Variants in LRRC61 observed in about 807,000 individuals in gnomAD.
LRRC61 encodes leucine rich repeat containing 61, also known as leucine-rich repeat-containing protein 61.
A neutral mutation model predicts 15.1 loss-of-function variants in LRRC61; 9 were observed. That is an observed-to-expected ratio of 0.60 (90% CI 0.36 to 1.04). The LOEUF (loss-of-function observed/expected upper bound fraction) is 1.04. LRRC61 is among the 50% of genes least tolerant of loss of function. The pLI, the probability that LRRC61 is intolerant of heterozygous loss-of-function variation, is 0.01. For synonymous variants in LRRC61, 173 were observed against 158.6 expected, an observed-to-expected ratio of 1.09 and a Z score of -0.68; for missense variants, 344 against 335.6, an observed-to-expected ratio of 1.03 and a Z score of -0.20.
chr7:150,337,804 C>CCA lies in LRRC61; in HGVS notation c.*166_*167dup. 1 of 747,540 alleles carries CCA rather than the reference C, an allele frequency of 1.3e-6. No homozygotes were observed. The highest frequency in any genetic ancestry group is 3.2e-5 in the Admixed American group (1 of 31,348). The allele number at this position is 747,540 out of a possible 1,614,324, so 46.3% of individuals were successfully genotyped here. ...AGAGCAGCCCCTCCCCACCATCCCT[C>CCA]CACATGCTGCAAGGACAGACTGAAG... On this transcript the variant is annotated 3_prime_UTR_variant, in exon 3 of 3. Transcript: ENST00000359623.
At chr7:150,332,648 T>C (rs1056510316) in intron 2 of LRRC61, 3 of 167,138 alleles carry the variant, frequency 1.8e-5, no homozygotes, top group Non-Finnish European at 2.9e-5. Flanking sequence ...CCCTAGGTAC[T>C]GTTTAGTATG....
At chr7:150,314,500 T>C in the LRRC61 span, among the ~76,000 whole-genome samples, 1 of 152,166 alleles carries the variant, frequency 6.6e-6, no homozygotes, top group Non-Finnish European at 1.5e-5. Flanking sequence ...GAGCTTTGTG[T>C]ATGTCACTAT....
At chr7:150,320,532 G>A (rs896417824), upstream of LRRC61, among the ~76,000 whole-genome samples, 5 of 152,208 alleles carry the variant, frequency 3.3e-5, no homozygotes, top group African/African-American at 1.2e-4. Context: ...GGAGGCTGAG[G>A]TGGGTGGATC....
At position 150,330,401 on chromosome 7, in the gene LRRC61, C is replaced by A. The variant is rs1384073307; in HGVS notation, c.-145+4391C>A. On this transcript the variant is annotated intron_variant, in intron 2 of 2. Coordinates refer to ENST00000359623, the MANE Select transcript of LRRC61 (RefSeq NM_001142928.2). This position sits in a 1 kb window ranked among gnomAD's most constrained non-coding sequence, Gnocchi z 4.6. ...GCCTCAGCAAGCTCCTGTAGCCCTTCCAGATGGTGGTCCGCGAGGCGAGTG... is the reference window on the plus strand; with the variant it reads ...GCCTCAGCAAGCTCCTGTAGCCCTTACAGATGGTGGTCCGCGAGGCGAGTG... The A allele has an allele frequency of 3.9e-5, 30 of 767,928 alleles. No individual in the cohort carries two copies. In the Admixed American group the frequency reaches 5.1e-4, roughly 13 times the overall value. The allele number at this position is 767,928 out of a possible 1,614,324, so 47.6% of individuals were successfully genotyped here.
chr7:150,325,531 A>C (rs1489618580), intron 1 of LRRC61, among the ~76,000 whole-genome samples: 1 of 152,220 alleles, frequency 6.6e-6, no homozygotes, highest in Non-Finnish European at 1.5e-5. Flanking sequence ...GCAGTGGTGC[A>C]ATCACGGCTC....
Position 150,323,467 on chromosome 7 carries a change from A to G in LRRC61, c.-408A>G, listed in dbSNP as rs773864680. 1.4e-4 allele frequency: 54 copies of G among 398,988 alleles called. No homozygotes were observed. The highest frequency in any genetic ancestry group is 1.1e-3 in the African/African-American group (49 of 44,946). 24.7% of individuals were successfully genotyped at this position (398,988 alleles called of 1,614,324 possible). On this transcript the variant is annotated 5_prime_UTR_variant, in exon 1 of 3. Coordinates refer to ENST00000359623, the MANE Select transcript of LRRC61 (RefSeq NM_001142928.2). ...GGCGGGCGGCGGGGCTGCGGCTCTTACCTGCCGAGGAGGCGCCGGCTCTGC... is the reference window on the plus strand; with the variant it reads ...GGCGGGCGGCGGGGCTGCGGCTCTTGCCTGCCGAGGAGGCGCCGGCTCTGC...
At chr7:150,332,920 C>G (rs1798157054) in intron 2 of LRRC61, among the ~76,000 whole-genome samples, 1 of 152,140 alleles carries the variant, frequency 6.6e-6, no homozygotes, top group Non-Finnish European at 1.5e-5. Flanking sequence ...CTTGCTGGAT[C>G]TCTCCCTGCA....
At chr7:150,322,998 G>A (rs1349415243), upstream of LRRC61, 1 of 152,892 alleles carries the variant, frequency 6.5e-6, no homozygotes, top group Non-Finnish European at 1.5e-5. Context: ...GCGTGCAGGG[G>A]GCCTTGGGTG....
In LRRC61 at chr7:150,336,741, C is replaced by A; in HGVS notation, c.-121C>A. 2 of 1,350,154 alleles carry A rather than the reference C, an allele frequency of 1.5e-6. No individual in the cohort carries two copies. Among genetic ancestry groups the A allele is most frequent in the Non-Finnish European group, 2.0e-6 (2 of 996,778 alleles). 83.6% of individuals were successfully genotyped at this position (1,350,154 alleles called of 1,614,324 possible). A position where few individuals can be genotyped will look rare whatever the true frequency, so the allele number is the denominator to read the frequency against. On this transcript the variant is annotated 5_prime_UTR_variant, in exon 3 of 3. Coordinates refer to ENST00000359623, the MANE Select transcript of LRRC61 (RefSeq NM_001142928.2). ...AGGGACTGGCTGGCTTCGAGCAGGG[C>A]ATCGGAACCAGGCCTCCTGGCACTG... is the stretch of plus-strand genomic sequence containing the variant.
chr7:150,317,278 G>A, the LRRC61 span, among the ~76,000 whole-genome samples: 1 of 152,030 alleles, frequency 6.6e-6, no homozygotes, highest in Non-Finnish European at 1.5e-5. Context: ...TCGAACTTAT[G>A]GACTCAAGTG....
chr7:150,333,315 CTT>C lies in LRRC61; in HGVS notation c.-144-3401_-144-3400del, dbSNP rs1798174223. Among the ~76,000 whole-genome samples the C allele has an allele frequency of 6.6e-6, 1 of 152,158 alleles. No individual in the cohort carries two copies. The highest frequency in any genetic ancestry group is 1.5e-5 in the Non-Finnish European group (1 of 68,032). On this transcript the variant is annotated intron_variant, in intron 2 of 2. Transcript: ENST00000359623. This position sits in a 1 kb window ranked among gnomAD's most constrained non-coding sequence, Gnocchi z 4.3. Reference sequence around the variant, plus strand: ...GGACATTGACAATGTCTGGAGGTGTCTTTAGTTGTTCCAAGTGGGGTAAGGGG... The same window carrying C: ...GGACATTGACAATGTCTGGAGGTGTCTAGTTGTTCCAAGTGGGGTAAGGGG...
chr7:150,337,528 T>C lies in LRRC61; in HGVS notation c.667T>C (p.Phe223Leu). 5 of 1,604,332 alleles carry C rather than the reference T, an allele frequency of 3.1e-6. No homozygotes were observed. The highest frequency in any genetic ancestry group is 4.2e-6 in the Non-Finnish European group (5 of 1,178,610). The change falls in exon 3 of 3, where the codon TTC becomes CTC. Residue 223 changes from phenylalanine to leucine, a missense_variant. Physicochemically the swap from Phe to Leu is conservative, Grantham distance 22 (BLOSUM62 0). Transcript: ENST00000359623. ...SSILEEACRQFQDTLQECWDL... is the reference protein window; with the variant it reads ...SSILEEACRQLQDTLQECWDL... The stretch of plus-strand genomic sequence containing the variant: ...CATCCTGGAGGAGGCCTGCCGGCAG[T>C]TCCAGGACACACTGCAGGAGTGCTG...
In LRRC61 at chr7:150,331,329, C is replaced by T. The variant is rs1022941086; in HGVS notation, c.-145+5319C>T. ...GTGGGATGGCAGACATGGCAGGTGCCGGTGCTCACCCTGCCCGTGAACTCC... is the reference window on the plus strand; with the variant it reads ...GTGGGATGGCAGACATGGCAGGTGCTGGTGCTCACCCTGCCCGTGAACTCC... On this transcript the variant is annotated intron_variant, in intron 2 of 2. Coordinates refer to ENST00000359623, the MANE Select transcript of LRRC61 (RefSeq NM_001142928.2). The T allele has an allele frequency of 6.2e-5, 33 of 528,598 alleles. 1 individual carries two copies. The highest frequency in any genetic ancestry group is 2.8e-4 in the East Asian group (9 of 32,378). The allele number at this position is 528,598 out of a possible 1,614,324, so 32.7% of individuals were successfully genotyped here.
the LRRC61 span, among the ~76,000 whole-genome samples, chr7:150,317,344 C>A: frequency 6.6e-6 from 1 of 152,174 alleles, no homozygotes; most frequent in Non-Finnish European, 1.5e-5. Context: ...TAGGCCACTG[C>A]GCCCAGCCTT....
rs1180393614 is a variant in LRRC61, at chr7:150,330,961, C to T, written c.-145+4951C>T. The T allele has an allele frequency of 1.2e-6, 2 of 1,611,790 alleles. No individual in the cohort carries two copies. The highest frequency in any genetic ancestry group is 1.7e-6 in the Non-Finnish European group (2 of 1,179,962). On this transcript the variant is annotated intron_variant, in intron 2 of 2. Transcript: ENST00000359623. The surrounding 1 kb of genome is among the most constrained non-coding windows in gnomAD (Gnocchi z 4.6). ...TCTGAGAGAAGCGGGGGCTCGCTGT[C>T]CACCAAGAGCCACTGGGCCAGCATC...
At chr7:150,336,379 A>G (rs1213058028) in intron 2 of LRRC61, among the ~76,000 whole-genome samples, 1 of 152,354 alleles carries the variant, frequency 6.6e-6, no homozygotes, top group African/African-American at 2.4e-5. Flanking sequence ...AAAACACCCC[A>G]AAACTAATAG....
chr7:150,309,815 G>A, the LRRC61 span, among the ~76,000 whole-genome samples: 1 of 152,194 alleles, frequency 6.6e-6, no homozygotes, highest in Non-Finnish European at 1.5e-5. Context: ...CGGCTTTGCG[G>A]CTGAAGACTG....
Position 150,333,622 on chromosome 7 carries a change from C to A in LRRC61, c.-144-3096C>A, listed in dbSNP as rs1264542260. Among the ~76,000 whole-genome samples, 1 of 152,214 alleles carries A rather than the reference C, an allele frequency of 6.6e-6. No individual in the cohort carries two copies. The highest frequency in any genetic ancestry group is 1.5e-5 in the Non-Finnish European group (1 of 68,038). On this transcript the variant is annotated intron_variant, in intron 2 of 2. Coordinates refer to ENST00000359623, the MANE Select transcript of LRRC61 (RefSeq NM_001142928.2). This position sits in a 1 kb window ranked among gnomAD's most constrained non-coding sequence, Gnocchi z 4.3. Reference sequence around the variant, plus strand: ...ACCATCTTCCCTGGTTCTCAGTCAGCCTCCCTCAAAGGGCCCAAGTGCCAT... The same window carrying A: ...ACCATCTTCCCTGGTTCTCAGTCAGACTCCCTCAAAGGGCCCAAGTGCCAT...
chr7:150,321,748 AAAAAT>A (rs1797535959), upstream of LRRC61, among the ~76,000 whole-genome samples: 1 of 152,234 alleles, frequency 6.6e-6, no homozygotes, highest in Non-Finnish European at 1.5e-5. Flanking sequence ...TCAAAAAAAT[AAAAAT>A]AAAAATAAAA....
Sources: gnomAD v4.1 joint callset for allele counts (sites outside exome capture counted in the v4.1 genomes callset) on GRCh38, gnomAD v4.1.1 for gene constraint, Gnocchi (gnomAD v3.1) non-coding constraint, MANE v1.5 for transcripts, NCBI Gene and HGNC (gene_info 2026-07-23, HGNC 2026-07-21) for gene names.